SV2B: variants seen among roughly 807,000 people sequenced by gnomAD.
SV2B encodes the protein solute carrier family 22 member B2.
SV2B carries 41 observed loss-of-function variants against 73.9 expected under a neutral mutation model. The observed-to-expected ratio is 0.56, with a 90% CI of 0.43 to 0.72. SV2B has a LOEUF of 0.72. SV2B is among the 30% of genes least tolerant of loss of function. The pLI, the probability that SV2B is intolerant of heterozygous loss-of-function variation, is 0.00. For missense variants in SV2B, 764 were observed against 857.8 expected (o/e 0.89, Z 1.37); for synonymous variants, 314 against 314.2 (o/e 1.00, Z 0.01).
In SV2B at chr15:91,297,382, T is replaced by A. The variant is rs2049290334; in HGVS notation, c.*4830T>A. ...CTGCCCCTCCTCCAAATTGAGGGTC[T>A]TGGCTCGAAGGACAAAAGCCAGAAA... On this transcript the variant is annotated 3_prime_UTR_variant, in exon 13 of 13. Coordinates refer to ENST00000394232, the MANE Select transcript of SV2B (RefSeq NM_001323032.3). This position sits in a 1 kb window ranked among gnomAD's most constrained non-coding sequence, Gnocchi z 5.1. 6.6e-6 allele frequency: 1 copy of A among 152,240 alleles called. No homozygotes were observed. Among genetic ancestry groups the A allele is most frequent in the Non-Finnish European group, 1.5e-5 (1 of 68,048 alleles). 9.4% of individuals were successfully genotyped at this position (152,240 alleles called of 1,614,324 possible). A position where few individuals can be genotyped will look rare whatever the true frequency, so the allele number is the denominator to read the frequency against.
At chr15:91,182,979 T>G (rs1277037044) in intron 1 of SV2B, among the ~76,000 whole-genome samples, 4 of 152,216 alleles carry the variant, frequency 2.6e-5, no homozygotes, top group Non-Finnish European at 5.9e-5. Flanking sequence ...GTACCTGTTA[T>G]GTGCCAGGAG....
Position 91,110,504 on chromosome 15 carries a change from G to A in SV2B, c.-392+10141G>A, listed in dbSNP as rs376935656. Among the ~76,000 whole-genome samples, 8 of 152,220 alleles carry A rather than the reference G, an allele frequency of 5.3e-5. No individual in the cohort carries two copies. In the East Asian group the frequency reaches 9.6e-4, roughly 18 times the overall value. On this transcript the variant is annotated intron_variant, in intron 1 of 12. Transcript: ENST00000394232. This position sits in a 1 kb window ranked among gnomAD's most constrained non-coding sequence, Gnocchi z 5.4. ...CCAGAGCCCAGGCCCAGTGAGGGTGGCTCCTGTGTTGCCTGCCATCCCTGC... is the reference window on the plus strand; with the variant it reads ...CCAGAGCCCAGGCCCAGTGAGGGTGACTCCTGTGTTGCCTGCCATCCCTGC...
chr15:91,195,343 A>G (rs1203137653), intron 1 of SV2B, among the ~76,000 whole-genome samples: 1 of 152,112 alleles, frequency 6.6e-6, no homozygotes, highest in African/African-American at 2.4e-5. Flanking sequence ...AACTGTTTGT[A>G]GAGACAAGGT....
At chr15:91,287,942 G>T (rs151282820) in intron 11 of SV2B, among the ~76,000 whole-genome samples, 2 of 152,318 alleles carry the variant, frequency 1.3e-5, no homozygotes, top group East Asian at 3.9e-4. Context: ...TACCTGGGAG[G>T]AACTGGGGTC....
In SV2B at chr15:91,129,772, G is replaced by A. The variant is rs1034107278; in HGVS notation, c.-392+29409G>A. On this transcript the variant is annotated intron_variant, in intron 1 of 12. Transcript: ENST00000394232. The surrounding 1 kb of genome is among the most constrained non-coding windows in gnomAD (Gnocchi z 5.1). ...CTGTGCCCTGGAGTTGGAGAGCCTG[G>A]ATTAGAATCCCAGCCCTGCCACTTA... Among the ~76,000 whole-genome samples, 1 of 152,198 alleles carries A rather than the reference G, an allele frequency of 6.6e-6. No homozygotes were observed. Among genetic ancestry groups the A allele is most frequent in the South Asian group, 2.1e-4 (1 of 4,832 alleles).
intron 12 of SV2B, among the ~76,000 whole-genome samples, chr15:91,291,410 A>G (rs1225181824): frequency 7.2e-5 from 11 of 152,196 alleles, no homozygotes; most frequent in Non-Finnish European, 1.3e-4. Flanking sequence ...TAAGAACAAA[A>G]ATATACCCAC....
In SV2B at chr15:91,155,995, T is replaced by C. The variant is rs370578112; in HGVS notation, c.-392+55632T>C. Among the ~76,000 whole-genome samples, 8 of 152,162 alleles carry C rather than the reference T, an allele frequency of 5.3e-5. No homozygotes were observed. In the South Asian group the frequency reaches 8.3e-4, roughly 16 times the overall value. ...ATGGGCCCAGACATTGATATTCTGA[T>C]GAGCTGATATAGAAATAAATTTCAG... is the stretch of plus-strand genomic sequence containing the variant. On this transcript the variant is annotated intron_variant, in intron 1 of 12. Coordinates refer to ENST00000394232, the MANE Select transcript of SV2B (RefSeq NM_001323032.3).
At chr15:91,246,713 A>ACCTCCTCCTCCT (rs3837743) in intron 2 of SV2B, among the ~76,000 whole-genome samples, 43 of 141,828 alleles carry the variant, frequency 3.0e-4, no homozygotes, top group African/African-American at 1.0e-3. Flanking sequence ...CCTCCTTTCA[A>ACCTCCTCCTCCT]CCTCCTCCTC....
rs367731365 is a variant in SV2B, at chr15:91,117,182, G to C, written c.-392+16819G>C. Reference sequence around the variant, plus strand: ...TTTGTTCCATGGTGGCAAGAGTATCGGTCTGGAGCTAGATTGCTGGGATTG... The same window carrying C: ...TTTGTTCCATGGTGGCAAGAGTATCCGTCTGGAGCTAGATTGCTGGGATTG... On this transcript the variant is annotated intron_variant, in intron 1 of 12. Transcript: ENST00000394232. Among the ~76,000 whole-genome samples the C allele has an allele frequency of 2.6e-5, 4 of 152,112 alleles. No homozygotes were observed. In the South Asian group the frequency reaches 8.3e-4, roughly 32 times the overall value.
rs10468143 is a variant in SV2B at position 91,281,514 on chromosome 15, T to A, written c.1374-214T>A. Among the ~76,000 whole-genome samples, 24,684 of 152,224 alleles carry A rather than the reference T, an allele frequency of 0.16. 3,216 individuals are homozygous for A. Among genetic ancestry groups the A allele is most frequent in the African/African-American group, 0.36 (14,992 of 41,492 alleles). ...GCAGGTTGGTGCATAGCACTCCGTA[T>A]GCACCTACGCTAGACACTGGCTTCC... On this transcript the variant is annotated intron_variant, in intron 9 of 12. Coordinates refer to ENST00000394232, the MANE Select transcript of SV2B (RefSeq NM_001323032.3). The surrounding 1 kb of genome is among the most constrained non-coding windows in gnomAD (Gnocchi z 4.7).
chr15:91,249,068 T>TCACACACACA (rs59552488), intron 2 of SV2B, among the ~76,000 whole-genome samples: 7,465 of 141,872 alleles, frequency 0.053, 224 homozygotes, highest in Middle Eastern at 0.092. Flanking sequence ...ATCTACGTTT[T>TCACACACACA]CACACACACA....
At chr15:91,279,377 T>C (rs530305233) in intron 9 of SV2B, among the ~76,000 whole-genome samples, 1 of 152,350 alleles carries the variant, frequency 6.6e-6, no homozygotes, top group African/African-American at 2.4e-5. Flanking sequence ...GTAATGACAA[T>C]TTTGTCATGG....
chr15:91,260,244 A>C, intron 5 of SV2B, 76 bp from the exon 6 acceptor site: 1 of 1,308,156 alleles, frequency 7.6e-7, no homozygotes, highest in Non-Finnish European at 1.1e-6. Context: ...TTGAGTTTGT[A>C]GGATTTTCCA....
chr15:91,170,269 A>G (rs551957604), intron 1 of SV2B, among the ~76,000 whole-genome samples: 14 of 151,512 alleles, frequency 9.2e-5, no homozygotes, highest in Admixed American at 4.0e-4. Context: ...TATTAGAGAG[A>G]TATATGCGGA....
In SV2B at chr15:91,268,531, G is replaced by A. The variant is rs772909571; in HGVS notation, c.1299G>A (p.Glu433=). Residue 433 remains glutamate, a synonymous_variant, in exon 9 of 13, where the codon GAG becomes GAA. Transcript: ENST00000394232. This position sits in a 1 kb window ranked among gnomAD's most constrained non-coding sequence, Gnocchi z 4.4. ...CTAAAATGAAGGTGTTTTTTGGTGA[G>A]CATGTGTACGGCGCCACAATCAACT... ...YKSKMKVFFG[E]HVYGATINFT... is the part of the protein sequence containing the mutation. The A allele has an allele frequency of 2.4e-5, 38 of 1,613,946 alleles. No homozygotes were observed. Among genetic ancestry groups the A allele is most frequent in the Admixed American group, 3.3e-5 (2 of 60,000 alleles).
At chr15:91,216,950 C>T (rs996253086) in intron 1 of SV2B, among the ~76,000 whole-genome samples, 3 of 146,288 alleles carry the variant, frequency 2.1e-5, no homozygotes, top group African/African-American at 5.1e-5. Flanking sequence ...TACAGTGGCA[C>T]GATCTCAGCT....
Position 91,302,506 on chromosome 15 carries a change from C to G in SV2B, c.*9954C>G, listed in dbSNP as rs1022734099. Among the ~76,000 whole-genome samples the G allele has an allele frequency of 6.6e-6, 1 of 152,018 alleles. No individual in the cohort carries two copies. The highest frequency in any genetic ancestry group is 1.5e-5 in the Non-Finnish European group (1 of 67,998). ...TATGAAAGTAGCTATGTGAATTTGCCAAATAGAAATCTTGGAGGCCAGGTG... is the reference window on the plus strand; with the variant it reads ...TATGAAAGTAGCTATGTGAATTTGCGAAATAGAAATCTTGGAGGCCAGGTG... On this transcript the variant is annotated 3_prime_UTR_variant, in exon 13 of 13. Coordinates refer to ENST00000394232, the MANE Select transcript of SV2B (RefSeq NM_001323032.3).
At chr15:91,107,518 G>A (rs1037661004) in intron 1 of SV2B, among the ~76,000 whole-genome samples, 5 of 151,854 alleles carry the variant, frequency 3.3e-5, no homozygotes, top group Non-Finnish European at 7.4e-5. Flanking sequence ...TTACCATGTT[G>A]GCCAGGATGG....
At chr15:91,135,218 A>G (rs533729051) in intron 1 of SV2B, among the ~76,000 whole-genome samples, 3 of 152,192 alleles carry the variant, frequency 2.0e-5, no homozygotes, top group Admixed American at 6.5e-5. Flanking sequence ...AGAGGCCACA[A>G]ACCATTGTGA....
Sources: gnomAD v4.1 joint callset for allele counts (sites outside exome capture counted in the v4.1 genomes callset) on GRCh38, gnomAD v4.1.1 for gene constraint, Gnocchi (gnomAD v3.1) non-coding constraint, MANE v1.5 for transcripts, NCBI Gene and HGNC (gene_info 2026-07-23, HGNC 2026-07-21) for gene names.